SYNPR: variants seen among roughly 807,000 people sequenced by gnomAD.
The protein encoded by SYNPR is synaptoporin.
A neutral mutation model predicts 32.9 loss-of-function variants in SYNPR; 23 were observed. The ratio of observed to expected loss-of-function variants is 0.70; its 90% CI spans 0.50 to 0.99. The LOEUF (loss-of-function observed/expected upper bound fraction) is 0.99, where lower values mean the gene tolerates loss of function less well. SYNPR is among the 50% of genes least tolerant of loss of function. The pLI is 0.00. For synonymous variants in SYNPR, 146 were observed against 135.9 expected, an observed-to-expected ratio of 1.07 and a Z score of -0.52; for missense variants, 318 against 349.3, an observed-to-expected ratio of 0.91 and a Z score of 0.71.
intron 3 of SYNPR, among the ~76,000 whole-genome samples, chr3:63,536,919 A>G (rs1358261321): frequency 6.6e-6 from 1 of 152,118 alleles, no homozygotes; most frequent in Non-Finnish European, 1.5e-5. Context: ...AACAAAGTAG[A>G]TTAGAATTTC....
At position 63,541,229 on chromosome 3, in the gene SYNPR, C is replaced by CT. The variant is rs568674294; in HGVS notation, c.210-15300dup. Among the ~76,000 whole-genome samples the CT allele has an allele frequency of 1.1e-3, 156 of 140,052 alleles. No homozygotes were observed. The Middle Eastern group carries it at 0.011, about 10-fold the overall frequency. 91.9% of individuals were successfully genotyped at this position (140,052 alleles called of 152,430 possible). On this transcript the variant is annotated intron_variant, in intron 3 of 5. Transcript: ENST00000478300. ...AGAGACAGCCAGTGTACTGCCAATT[C>CT]TTTTTTTTTTTTTTACCTCTTGGAC...
intron 3 of SYNPR, among the ~76,000 whole-genome samples, chr3:63,483,958 A>G (rs912477924): frequency 9.2e-5 from 14 of 152,208 alleles, no homozygotes; most frequent in Non-Finnish European, 2.1e-4. Flanking sequence ...GCAAAAGGAC[A>G]ATAAACTCAA....
rs2088479060 is a variant in SYNPR, at chr3:63,412,450, C to T, written c.85-68382C>T. On this transcript the variant is annotated intron_variant, in intron 2 of 5. Transcript: ENST00000478300. ...GTTTTGTCAAGCATCTACCTTGCAC[C>T]AAGCACTGGAGATACAGAATCAAGA... Among the ~76,000 whole-genome samples the T allele has an allele frequency of 2.0e-5, 3 of 152,072 alleles. No homozygotes were observed. In the South Asian group the frequency reaches 6.2e-4, roughly 32 times the overall value.
intron 2 of SYNPR, among the ~76,000 whole-genome samples, chr3:63,435,494 G>A (rs1039269372): frequency 6.6e-6 from 1 of 152,156 alleles, no homozygotes; most frequent in Non-Finnish European, 1.5e-5. Context: ...TTGTTCAAAT[G>A]CAGTCATGTT....
At chr3:63,592,003 G>A (rs1256962598) in intron 4 of SYNPR, among the ~76,000 whole-genome samples, 1 of 151,972 alleles carries the variant, frequency 6.6e-6, no homozygotes, top group Non-Finnish European at 1.5e-5. Flanking sequence ...CTTTGCAGAT[G>A]TAATTCAGTT....
chr3:63,343,147 C>T (rs1006773581), intron 2 of SYNPR, among the ~76,000 whole-genome samples: 10 of 151,960 alleles, frequency 6.6e-5, no homozygotes, highest in Admixed American at 1.3e-4. Flanking sequence ...GAAAACTAGC[C>T]GGAGTGGAAA....
chr3:63,547,608 A>G (rs1575704757), intron 3 of SYNPR, among the ~76,000 whole-genome samples: 1 of 152,116 alleles, frequency 6.6e-6, no homozygotes, highest in Admixed American at 6.6e-5. Context: ...TATTCATCCT[A>G]TGAGAACTGT....
intron 4 of SYNPR, among the ~76,000 whole-genome samples, chr3:63,579,920 T>C (rs1028248276): frequency 3.3e-5 from 5 of 150,934 alleles, no homozygotes; most frequent in Non-Finnish European, 7.4e-5. Flanking sequence ...GGGGGCAAAA[T>C]GGGGGGAGGA....
chr3:63,584,458 G>A (rs1464226103), intron 4 of SYNPR, among the ~76,000 whole-genome samples: 5 of 152,028 alleles, frequency 3.3e-5, no homozygotes, highest in African/African-American at 9.7e-5. Context: ...TTTAGCTGGC[G>A]AGATTTGGCT....
chr3:63,270,075 A>C (rs759671924), intron 3 of SYNPR, among the ~76,000 whole-genome samples: 5 of 152,212 alleles, frequency 3.3e-5, no homozygotes, highest in South Asian at 2.1e-4. Context: ...AAAATGACTA[A>C]AGAAGGTAGA....
the SYNPR span, among the ~76,000 whole-genome samples, chr3:63,204,926 G>T: frequency 6.6e-6 from 1 of 152,080 alleles, no homozygotes; most frequent in Admixed American, 6.6e-5. Flanking sequence ...GACCTCAGGT[G>T]ATCTGCCCAC....
At chr3:63,253,181 C>T (rs1017239365) in intron 2 of SYNPR, among the ~76,000 whole-genome samples, 1 of 151,888 alleles carries the variant, frequency 6.6e-6, no homozygotes, top group Non-Finnish European at 1.5e-5. Context: ...CAAATAATCA[C>T]CATTTGAGGG....
intron 2 of SYNPR, among the ~76,000 whole-genome samples, chr3:63,459,142 A>T (rs893224504): frequency 1.3e-5 from 2 of 152,032 alleles, no homozygotes; most frequent in African/African-American, 2.4e-5. Flanking sequence ...ATTCACTATG[A>T]CAAATTCAAC....
At chr3:63,347,510 T>C (rs2087452587) in intron 2 of SYNPR, among the ~76,000 whole-genome samples, 1 of 152,248 alleles carries the variant, frequency 6.6e-6, no homozygotes, top group Non-Finnish European at 1.5e-5. Flanking sequence ...ATTTAAGGTA[T>C]ACAAGTACAG....
At chr3:63,584,622 G>A (rs192915127) in intron 4 of SYNPR, among the ~76,000 whole-genome samples, 3 of 152,208 alleles carry the variant, frequency 2.0e-5, no homozygotes, top group Non-Finnish European at 4.4e-5. Flanking sequence ...GAGAAGCTGG[G>A]TTGAAATCGG....
chr3:63,211,103 T>G, the SYNPR span, among the ~76,000 whole-genome samples: 2 of 152,134 alleles, frequency 1.3e-5, no homozygotes, highest in Non-Finnish European at 2.9e-5. Context: ...GAGTCTCACT[T>G]TGTCACCCAG....
upstream of SYNPR, among the ~76,000 whole-genome samples, chr3:63,224,066 A>T (rs887611589): frequency 2.6e-5 from 4 of 152,228 alleles, no homozygotes; most frequent in African/African-American, 9.6e-5. Flanking sequence ...TTATGGTTCA[A>T]AATGGAAAGA....
At chr3:63,390,081 A>T (rs2088111470) in intron 2 of SYNPR, among the ~76,000 whole-genome samples, 2 of 152,232 alleles carry the variant, frequency 1.3e-5, no homozygotes, top group Non-Finnish European at 2.9e-5. Flanking sequence ...AGGATATTTA[A>T]TATTATCCTA....
the SYNPR span, among the ~76,000 whole-genome samples, chr3:63,210,829 C>A: frequency 6.7e-6 from 1 of 149,986 alleles, no homozygotes; most frequent in African/African-American, 2.5e-5. Context: ...TCCTTTCCTT[C>A]CTCTCTTGTT....
Sources: allele counts gnomAD v4.1 joint callset (sites outside exome capture counted in the v4.1 genomes callset), GRCh38; gene constraint gnomAD v4.1.1; transcripts MANE v1.5; gene names NCBI Gene and HGNC (gene_info 2026-07-23, HGNC 2026-07-21).